The following PCDHA10 variants were observed in gnomAD, a reference collection of about 807,000 sequenced individuals.
PCDHA10 encodes protocadherin alpha-10.
Under a neutral mutation model 61.2 loss-of-function variants are expected in PCDHA10, and 45 were observed. That is an observed-to-expected ratio of 0.74 (90% CI 0.58 to 0.94). The LOEUF (loss-of-function observed/expected upper bound fraction) is 0.94, where lower values mean the gene tolerates loss of function less well. PCDHA10 is among the 40% of genes least tolerant of loss of function. The pLI, the probability that PCDHA10 is intolerant of heterozygous loss-of-function variation, is 0.00. For missense variants in PCDHA10, 1,278 were observed against 1,236.2 expected (o/e 1.03, Z -0.51); for synonymous variants, 602 against 548.8 (o/e 1.10, Z -1.35).
intron 1 of PCDHA10, chr5:140,967,766 T>C: frequency 6.2e-7 from 1 of 1,614,218 alleles, no homozygotes; most frequent in Non-Finnish European, 8.5e-7. Flanking sequence ...CTACCAGATC[T>C]ATGTGCAGGC....
intron 3 of PCDHA10, among the ~76,000 whole-genome samples, chr5:141,004,307 A>G (rs924420604): frequency 6.6e-6 from 1 of 152,224 alleles, no homozygotes; most frequent in Admixed American, 6.5e-5. Context: ...TTTGTTTTAT[A>G]CAACAACCAG....
chr5:140,968,782 C>G, intron 1 of PCDHA10: 1 of 1,614,192 alleles, frequency 6.2e-7, no homozygotes, highest in South Asian at 1.1e-5. Flanking sequence ...CACTATCAGC[C>G]TCTGTGGCCA....
At chr5:140,897,258 G>A (rs1008292814) in intron 1 of PCDHA10, among the ~76,000 whole-genome samples, 1 of 151,682 alleles carries the variant, frequency 6.6e-6, no homozygotes, top group African/African-American at 2.4e-5. Flanking sequence ...ATGTATACAT[G>A]TGCCATGCTG....
At chr5:140,991,614 A>G (rs1554252334) in intron 3 of PCDHA10, among the ~76,000 whole-genome samples, 2 of 152,194 alleles carry the variant, frequency 1.3e-5, no homozygotes, top group Non-Finnish European at 2.9e-5. Flanking sequence ...AGCACCTTTA[A>G]TGCCATATTT....
chr5:140,907,631 C>T (rs1338354291), intron 1 of PCDHA10, among the ~76,000 whole-genome samples: 1 of 152,216 alleles, frequency 6.6e-6, no homozygotes, highest in African/African-American at 2.4e-5. Flanking sequence ...GTGTTGGTCT[C>T]TGCTGCTGGC....
At chr5:140,884,016 G>T (rs143828814) in intron 1 of PCDHA10, 1 of 1,613,208 alleles carries the variant, frequency 6.2e-7, no homozygotes, top group Non-Finnish European at 8.5e-7. Flanking sequence ...CTGATGCCGC[G>T]GTCGGTGGGT....
At chr5:140,882,702 C>T (rs2059269414) in intron 1 of PCDHA10, 1 of 1,614,098 alleles carries the variant, frequency 6.2e-7, no homozygotes, top group African/African-American at 1.3e-5. Flanking sequence ...ATTGCAGAAT[C>T]TAGACCTCCG....
intron 1 of PCDHA10, among the ~76,000 whole-genome samples, chr5:140,909,839 C>A (rs2074714040): frequency 1.3e-5 from 2 of 152,146 alleles, no homozygotes; most frequent in Admixed American, 6.5e-5. Context: ...GGAGGACCAC[C>A]AGGACGTTTT....
At chr5:140,923,910 C>T (rs1280601799) in intron 1 of PCDHA10, among the ~76,000 whole-genome samples, 5 of 152,156 alleles carry the variant, frequency 3.3e-5, no homozygotes, top group African/African-American at 1.2e-4. Flanking sequence ...GTGAAGATTT[C>T]CCATACTGTT....
chr5:140,912,163 G>T (rs1018826504), intron 1 of PCDHA10, among the ~76,000 whole-genome samples: 4 of 152,092 alleles, frequency 2.6e-5, no homozygotes, highest in African/African-American at 9.7e-5. Context: ...TTTTATTCTG[G>T]CTGTGCTGGC....
intron 1 of PCDHA10, chr5:140,926,324 G>A (rs574950381): frequency 6.6e-6 from 1 of 152,268 alleles, no homozygotes; most frequent in Non-Finnish European, 1.5e-5. Flanking sequence ...GTGCGCCGGG[G>A]TCAGAGCGCC....
intron 3 of PCDHA10, among the ~76,000 whole-genome samples, chr5:140,993,152 C>A (rs932484139): frequency 2.6e-4 from 39 of 152,142 alleles, no homozygotes; most frequent in African/African-American, 9.2e-4. Context: ...TAAATGGATT[C>A]TAAATATTTG....
chr5:140,882,136 A>T (rs2058967821), intron 1 of PCDHA10: 14 of 1,486,890 alleles, frequency 9.4e-6, no homozygotes, highest in Non-Finnish European at 1.3e-5. Context: ...TCCTGCAGAA[A>T]ATATAGCAGA....
At chr5:140,959,281 G>T (rs1395135880) in intron 1 of PCDHA10, among the ~76,000 whole-genome samples, 2 of 152,044 alleles carry the variant, frequency 1.3e-5, no homozygotes, top group Admixed American at 1.3e-4. Context: ...GGAGCCTGAG[G>T]TGGGAGCATC....
At position 140,876,037 on chromosome 5, in the gene PCDHA10, A is replaced by G. The variant is rs1554168212; in HGVS notation, c.2388+17601A>G. On this transcript the variant is annotated intron_variant, in intron 1 of 3. Transcript: ENST00000307360. ...TAAAATAAAAACAAAAAAAGATAAA[A>G]GTATATTGCCTGAATTAGTTCTTCG... is the stretch of plus-strand genomic sequence containing the variant. 1.9e-6 allele frequency: 3 copies of G among 1,613,766 alleles called. No homozygotes were observed. Among genetic ancestry groups the G allele is most frequent in the South Asian group, 2.2e-5 (2 of 91,050 alleles).
intron 1 of PCDHA10, chr5:140,929,266 C>T (rs1333907609): frequency 6.2e-7 from 1 of 1,611,352 alleles, no homozygotes; most frequent in Middle Eastern, 1.7e-4. Flanking sequence ...ACTGAATTTG[C>T]CAATATCCTG....
chr5:140,905,011 T>A (rs551000720), intron 1 of PCDHA10, among the ~76,000 whole-genome samples: 44 of 152,296 alleles, frequency 2.9e-4, no homozygotes, highest in African/African-American at 1.0e-3. Context: ...CTTTGCTAAT[T>A]CTTTTCTATG....
intron 1 of PCDHA10, among the ~76,000 whole-genome samples, chr5:140,936,248 G>A (rs2090860399): frequency 6.6e-6 from 1 of 152,086 alleles, no homozygotes; most frequent in Admixed American, 6.5e-5. Context: ...AACATATCCT[G>A]CTTCAAGTCA....
At chr5:141,004,532 C>G (rs569751588) in intron 3 of PCDHA10, among the ~76,000 whole-genome samples, 1 of 152,314 alleles carries the variant, frequency 6.6e-6, no homozygotes, top group African/African-American at 2.4e-5. Context: ...TACACACAGC[C>G]ATTAATGTCC....
Sources: gnomAD v4.1 joint callset for allele counts (sites outside exome capture counted in the v4.1 genomes callset) on GRCh38, gnomAD v4.1.1 for gene constraint, MANE v1.5 for transcripts, NCBI Gene and HGNC (gene_info 2026-07-23, HGNC 2026-07-21) for gene names.